Variants in PON3 observed in about 807,000 individuals in gnomAD.
PON3 encodes the protein serum paraoxonase/lactonase 3.
Under a neutral mutation model 36.3 loss-of-function variants are expected in PON3, and 37 were observed. The ratio of observed to expected loss-of-function variants is 1.02; its 90% confidence interval spans 0.78 to 1.34. The LOEUF (loss-of-function observed/expected upper bound fraction) is 1.34, where lower values mean the gene tolerates loss of function less well. Among genes scored for constraint, PON3 ranks in the 40% most tolerant of loss-of-function variants. The pLI, the probability that PON3 is intolerant of heterozygous loss-of-function variation, is 0.00. For synonymous variants in PON3, 155 were observed against 154.8 expected, an observed-to-expected ratio of 1.00 and a Z score of -0.01; for missense variants, 415 against 426.5, an observed-to-expected ratio of 0.97 and a Z score of 0.24.
intron 6 of PON3, 41 bp downstream of exon 6, chr7:95,363,822 T>C (rs1231849940): frequency 6.3e-7 from 1 of 1,577,168 alleles, no homozygotes; most frequent in Admixed American, 1.7e-5. Context: ...TCCACGAAAA[T>C]GTCAAGGGCA....
intron 3 of PON3, among the ~76,000 whole-genome samples, chr7:95,379,282 C>A (rs531605701): frequency 5.1e-4 from 78 of 152,372 alleles, no homozygotes; most frequent in African/African-American, 1.8e-3. Context: ...ATGAGCGACA[C>A]AGAAGACTGG....
chr7:95,361,094 G>A (rs1808560939), intron 8 of PON3, among the ~76,000 whole-genome samples: 1 of 152,078 alleles, frequency 6.6e-6, no homozygotes, highest in Non-Finnish European at 1.5e-5. Context: ...AGACATTGTG[G>A]TTGGGCTTTT....
At chr7:95,367,080 C>T (rs574689313) in intron 5 of PON3, among the ~76,000 whole-genome samples, 8 of 152,192 alleles carry the variant, frequency 5.3e-5, no homozygotes, top group Non-Finnish European at 8.8e-5. Flanking sequence ...ATTGAGTTGC[C>T]GTGGTAAAGA....
chr7:95,365,961 T>G (rs1468190821), intron 5 of PON3: 1 of 151,362 alleles, frequency 6.6e-6, no homozygotes, highest in South Asian at 2.1e-4. Flanking sequence ...ACATCTGCAA[T>G]GACTCAATTT....
At chr7:95,372,025 TTTTA>T in intron 4 of PON3, 144 bp downstream of exon 4, 1 of 1,006,210 alleles carries the variant, frequency 9.9e-7, no homozygotes, top group Admixed American at 2.1e-5. Context: ...GTTTACAAGG[TTTTA>T]TACCTATTTA....
chr7:95,362,109 C>T (rs1041892031), intron 8 of PON3, among the ~76,000 whole-genome samples: 1 of 152,168 alleles, frequency 6.6e-6, no homozygotes, highest in African/African-American at 2.4e-5. Context: ...ATATGGCAAT[C>T]TGGGTCAATA....
intron 4 of PON3, among the ~76,000 whole-genome samples, chr7:95,368,982 A>C (rs962780826): frequency 9.2e-5 from 14 of 152,324 alleles, no homozygotes; most frequent in African/African-American, 3.4e-4. Flanking sequence ...TTGCAGTTTT[A>C]AAATTATTTA....
At chr7:95,395,973 G>A (rs937017089) in intron 1 of PON3, 4 of 419,030 alleles carry the variant, frequency 9.5e-6, no homozygotes, top group African/African-American at 8.1e-5. Context: ...TTGAGGGCGA[G>A]CTGGGAAAGG....
At chr7:95,362,870 G>C (rs747913525) in intron 6 of PON3, 29 bp from the exon 7 acceptor site, 1 of 1,511,680 alleles carries the variant, frequency 6.6e-7, no homozygotes, top group Non-Finnish European at 9.2e-7. Context: ...TTACACTTAA[G>C]CAAGTGGTAA....
intron 3 of PON3, among the ~76,000 whole-genome samples, chr7:95,383,628 C>T (rs201074453): frequency 2.0e-5 from 3 of 151,810 alleles, no homozygotes; most frequent in Non-Finnish European, 4.4e-5. Context: ...ATAAAATACC[C>T]AGGAATCCAA....
At chr7:95,370,290 A>G (rs1467943431) in intron 4 of PON3, among the ~76,000 whole-genome samples, 1 of 152,174 alleles carries the variant, frequency 6.6e-6, no homozygotes, top group Non-Finnish European at 1.5e-5. Context: ...AGAATCAGGG[A>G]AGGCATGCTG....
intron 3 of PON3, among the ~76,000 whole-genome samples, chr7:95,384,515 A>T (rs1585730828): frequency 6.6e-6 from 1 of 151,792 alleles, no homozygotes; most frequent in Non-Finnish European, 1.5e-5. Context: ...CAAGAAAAAA[A>T]CACCCCACCA....
intron 3 of PON3, among the ~76,000 whole-genome samples, chr7:95,385,079 C>G (rs989254605): frequency 6.6e-6 from 1 of 152,102 alleles, no homozygotes; most frequent in African/African-American, 2.4e-5. Context: ...TGGAAACCAC[C>G]ATTCTGAGCA....
At chr7:95,376,596 T>C (rs1453838653) in intron 3 of PON3, among the ~76,000 whole-genome samples, 1 of 151,852 alleles carries the variant, frequency 6.6e-6, no homozygotes, top group Non-Finnish European at 1.5e-5. Context: ...TGAAAATATA[T>C]ACTTCCTGTA....
At chr7:95,390,873 G>A (rs989120841) in intron 2 of PON3, among the ~76,000 whole-genome samples, 4 of 152,014 alleles carry the variant, frequency 2.6e-5, no homozygotes, top group Non-Finnish European at 5.9e-5. Flanking sequence ...CCTACACTAC[G>A]CCTGCACGAC....
chr7:95,378,895 A>T (rs1396359105), intron 3 of PON3, among the ~76,000 whole-genome samples: 1 of 152,204 alleles, frequency 6.6e-6, no homozygotes, highest in African/African-American at 2.4e-5. Context: ...CCAAATTCAA[A>T]CATAACAATA....
chr7:95,360,392 AG>A (rs1053978680), intron 8 of PON3, among the ~76,000 whole-genome samples: 1 of 152,150 alleles, frequency 6.6e-6, no homozygotes, highest in African/African-American at 2.4e-5. Context: ...CCCTTACAGA[AG>A]GAGTTAAGAT....
In PON3 at chr7:95,390,179, G is replaced by A. The variant is rs371617981; in HGVS notation, c.176C>T (p.Pro59Leu). 4 of 1,611,908 alleles carry A rather than the reference G, an allele frequency of 2.5e-6. No homozygotes were observed. Among genetic ancestry groups the A allele is most frequent in the Non-Finnish European group, 3.4e-6 (4 of 1,178,248 alleles). ...ESGSEDIDILPSGLAFISSGL... is the reference protein window; with the variant it reads ...ESGSEDIDILLSGLAFISSGL... ...ACTGGAGATAAAAGCCAGCCCACTA[G>A]GAAGTATATCAATATCTTCAGAGCC... is the stretch of plus-strand genomic sequence containing the variant. Residue 59 changes from proline (P) to leucine (L), a missense_variant, in exon 3 of 9, where the codon CCT (proline) becomes CTT (leucine). Coordinates refer to ENST00000265627, the MANE Select transcript of PON3 (RefSeq NM_000940.3).
chr7:95,361,745 A>G (rs1348521465), intron 8 of PON3, among the ~76,000 whole-genome samples: 1 of 152,190 alleles, frequency 6.6e-6, no homozygotes, highest in Non-Finnish European at 1.5e-5. Flanking sequence ...ATTTATAGCT[A>G]TATATAAATT....
Sources: gnomAD v4.1 joint callset for allele counts (sites outside exome capture counted in the v4.1 genomes callset) on GRCh38, gnomAD v4.1.1 for gene constraint, MANE v1.5 for transcripts, NCBI Gene and HGNC (gene_info 2026-07-23, HGNC 2026-07-21) for gene names.